The following CNTN5 variants were observed in gnomAD, a reference collection of about 807,000 sequenced individuals.
CNTN5 encodes the protein contactin-5.
In CNTN5, 77 loss-of-function variants were observed where a neutral mutation model predicts 129.1. The observed-to-expected ratio is 0.60, with a 90% CI of 0.50 to 0.72. The LOEUF (loss-of-function observed/expected upper bound fraction) is 0.72. CNTN5 is among the 30% of genes least tolerant of loss of function. The pLI, the probability that CNTN5 is intolerant of heterozygous loss-of-function variation, is 0.00. For missense variants in CNTN5, 1,478 were observed against 1,328.8 expected (o/e 1.11, Z -1.75); for synonymous variants, 509 against 465.6 (o/e 1.09, Z -1.20).
intron 2 of CNTN5, among the ~76,000 whole-genome samples, chr11:99,453,391 A>C (rs569580485): frequency 6.6e-6 from 1 of 152,314 alleles, no homozygotes; most frequent in African/African-American, 2.4e-5. Context: ...CATAACTGAA[A>C]CCATTTGCTG....
chr11:100,122,452 C>A (rs143019118), intron 13 of CNTN5, among the ~76,000 whole-genome samples: 273 of 152,164 alleles, frequency 1.8e-3, no homozygotes, highest in African/African-American at 6.4e-3. Context: ...TCTGGAAACA[C>A]CCTCACAAAC....
At chr11:100,344,055 A>T in intron 23 of CNTN5, among the ~76,000 whole-genome samples, 1 of 152,006 alleles carries the variant, frequency 6.6e-6, no homozygotes, top group East Asian at 1.9e-4. Context: ...GAGTTTCCAT[A>T]CTTAATTGGA....
At chr11:99,406,528 C>G (rs1326353754) in intron 2 of CNTN5, among the ~76,000 whole-genome samples, 2 of 152,026 alleles carry the variant, frequency 1.3e-5, no homozygotes, top group Non-Finnish European at 2.9e-5. Flanking sequence ...TGAGTCTCAC[C>G]CAAGGCTTGC....
chr11:99,423,187 C>A (rs925753317), intron 2 of CNTN5, among the ~76,000 whole-genome samples: 2 of 152,094 alleles, frequency 1.3e-5, no homozygotes, highest in Admixed American at 6.5e-5. Context: ...GTCACATATA[C>A]TTCATTTTAA....
chr11:99,416,697 G>A (rs1455239402), intron 2 of CNTN5, among the ~76,000 whole-genome samples: 1 of 152,140 alleles, frequency 6.6e-6, no homozygotes, highest in Non-Finnish European at 1.5e-5. Flanking sequence ...AAAGTACATT[G>A]CAAGGTAGCA....
intron 3 of CNTN5, among the ~76,000 whole-genome samples, chr11:99,779,644 A>G (rs1321946413): frequency 1.3e-5 from 2 of 151,998 alleles, no homozygotes; most frequent in African/African-American, 2.4e-5. Flanking sequence ...ACTATGAGGA[A>G]TAGGGTTATG....
At chr11:99,569,375 G>C (rs557471178) in intron 3 of CNTN5, among the ~76,000 whole-genome samples, 1 of 151,976 alleles carries the variant, frequency 6.6e-6, no homozygotes, top group African/African-American at 2.4e-5. Flanking sequence ...GGGCAGTGGC[G>C]CAATGTGGCC....
At chr11:100,199,277 G>A (rs17094608) in intron 15 of CNTN5, among the ~76,000 whole-genome samples, 3,281 of 151,942 alleles carry the variant, frequency 0.022, 110 homozygotes, top group African/African-American at 0.075. Context: ...ACACTTTCAT[G>A]TAAATGGTCC....
chr11:99,538,495 G>T (rs77820951), intron 2 of CNTN5, among the ~76,000 whole-genome samples: 1 of 152,000 alleles, frequency 6.6e-6, no homozygotes, highest in Non-Finnish European at 1.5e-5. Flanking sequence ...TTTTACTGCC[G>T]GTTTTAATTA....
At chr11:99,105,053 C>T (rs756118603) in intron 1 of CNTN5, among the ~76,000 whole-genome samples, 1 of 152,110 alleles carries the variant, frequency 6.6e-6, no homozygotes, top group Non-Finnish European at 1.5e-5. Context: ...TCTCATTAGT[C>T]TCCTCATCAC....
chr11:100,151,835 A>G (rs529890496), intron 13 of CNTN5, among the ~76,000 whole-genome samples: 4 of 152,206 alleles, frequency 2.6e-5, no homozygotes, highest in Admixed American at 2.6e-4. Context: ...CTACACTGTG[A>G]TAGGTTTAGG....
chr11:99,308,839 T>C (rs1017954713), intron 1 of CNTN5, among the ~76,000 whole-genome samples: 1 of 152,088 alleles, frequency 6.6e-6, no homozygotes. Flanking sequence ...TCTTATTTTT[T>C]CCTCCCAGCT....
intron 1 of CNTN5, among the ~76,000 whole-genome samples, chr11:99,133,734 G>A (rs1287356290): frequency 6.6e-6 from 1 of 151,968 alleles, no homozygotes; most frequent in Non-Finnish European, 1.5e-5. Context: ...TCAGAATGGC[G>A]ATTATTAAAA....
intron 1 of CNTN5, among the ~76,000 whole-genome samples, chr11:99,324,574 AC>A (rs1865703651): frequency 6.6e-6 from 1 of 152,218 alleles, no homozygotes; most frequent in Non-Finnish European, 1.5e-5. Flanking sequence ...TCAATAATCT[AC>A]CAAAGATTAA....
chr11:99,412,553 G>T (rs550051830), intron 2 of CNTN5, among the ~76,000 whole-genome samples: 27 of 152,158 alleles, frequency 1.8e-4, no homozygotes, highest in African/African-American at 6.3e-4. Flanking sequence ...TTAGTACTAT[G>T]CACCAGCTAC....
chr11:99,207,958 C>G (rs1193739195), intron 1 of CNTN5, among the ~76,000 whole-genome samples: 1 of 152,130 alleles, frequency 6.6e-6, no homozygotes, highest in Admixed American at 6.6e-5. Context: ...ATGTACTTCC[C>G]AAAGCCATCG....
chr11:99,575,705 T>A (rs1451291970), intron 3 of CNTN5, among the ~76,000 whole-genome samples: 4 of 152,148 alleles, frequency 2.6e-5, no homozygotes, highest in Admixed American at 2.6e-4. Flanking sequence ...GAACCTTCTG[T>A]GGGACAGAAG....
intron 2 of CNTN5, among the ~76,000 whole-genome samples, chr11:99,511,293 GT>G (rs1271303730): frequency 6.6e-6 from 1 of 151,950 alleles, no homozygotes; most frequent in East Asian, 1.9e-4. Context: ...CCTTCATTTC[GT>G]TACGTACCCA....
At chr11:99,939,099 T>A (rs1185879633) in intron 7 of CNTN5, among the ~76,000 whole-genome samples, 2 of 152,036 alleles carry the variant, frequency 1.3e-5, no homozygotes, top group Non-Finnish European at 1.5e-5. Context: ...CTAAAAAAAA[T>A]TTAAAAAGAT....
Sources: allele counts gnomAD v4.1 joint callset (sites outside exome capture counted in the v4.1 genomes callset), GRCh38; gene constraint gnomAD v4.1.1; transcripts MANE v1.5; gene names NCBI Gene and HGNC (gene_info 2026-07-23, HGNC 2026-07-21).